The following CTNNBL1 variants were observed in gnomAD, a reference collection of about 807,000 sequenced individuals.
CTNNBL1 encodes the protein beta-catenin-like protein 1.
A neutral mutation model predicts 72.7 loss-of-function variants in CTNNBL1; 31 were observed. The observed-to-expected ratio is 0.43, with a 90% CI of 0.32 to 0.58. The LOEUF (loss-of-function observed/expected upper bound fraction) is 0.58. Among genes scored for constraint, CTNNBL1 ranks in the 20% least tolerant of loss-of-function variants. The pLI, the probability that CTNNBL1 is intolerant of heterozygous loss-of-function variation, is 0.08. For missense variants in CTNNBL1, 534 were observed against 725.1 expected, an observed-to-expected ratio of 0.74 and a Z score of 3.03; for synonymous variants, 240 against 267.3, an observed-to-expected ratio of 0.90 and a Z score of 1.00.
rs6091328 is a variant in CTNNBL1 at position 37,833,330 on chromosome 20, G to A, written c.1214-6772G>A. On this transcript the variant is annotated intron_variant, in intron 11 of 15. Transcript: ENST00000361383. ...CTTGAGAAGCCCTGAAGAGAGCTGA[G>A]CTGGGGGAAGGGTGGGCCAGAGCCT... 3.9e-3 allele frequency among the ~76,000 whole-genome samples: 590 copies of A among 152,306 alleles called. 2 individuals carry two copies. Among genetic ancestry groups the A allele is most frequent in the African/African-American group, 0.014 (569 of 41,558 alleles).
At chr20:37,813,185 T>G (rs1219503123) in intron 11 of CTNNBL1, among the ~76,000 whole-genome samples, 1 of 152,058 alleles carries the variant, frequency 6.6e-6, no homozygotes, top group South Asian at 2.1e-4. Context: ...TCCACAGGAG[T>G]GTCCTCTGAG....
rs139266574 is a variant in CTNNBL1 at position 37,823,402 on chromosome 20, G to A, written c.1214-16700G>A. Among the ~76,000 whole-genome samples the A allele has an allele frequency of 9.3e-4, 142 of 152,344 alleles. 1 individual carries two copies. Among genetic ancestry groups the A allele is most frequent in the African/African-American group, 3.3e-3 (139 of 41,584 alleles). On this transcript the variant is annotated intron_variant, in intron 11 of 15. Coordinates refer to ENST00000361383, the MANE Select transcript of CTNNBL1 (RefSeq NM_030877.5). ...TAAGGCCGCCTTGGGTCTGCAGCAA[G>A]TTTTTCTGGTTTCTGTGGAAATCAG...
intron 11 of CTNNBL1, among the ~76,000 whole-genome samples, chr20:37,818,546 A>G (rs1359710989): frequency 1.3e-5 from 2 of 152,218 alleles, no homozygotes; most frequent in Admixed American, 6.5e-5. Context: ...GAGCCAGACT[A>G]CTGTCTTTGT....
chr20:37,806,558 GA>G (rs1052384897), intron 11 of CTNNBL1, among the ~76,000 whole-genome samples: 5 of 152,170 alleles, frequency 3.3e-5, no homozygotes, highest in African/African-American at 1.2e-4. Context: ...GGTTTTGGGG[GA>G]AAGCTACACA....
chr20:37,860,461 AGTT>A (rs2072482469), intron 15 of CTNNBL1, 117 bp downstream of exon 15: 2 of 821,552 alleles, frequency 2.4e-6, no homozygotes, highest in African/African-American at 1.7e-5. Context: ...TGAAAGCTTA[AGTT>A]GTTGTCCATT....
chr20:37,736,589 G>A (rs1156335047), intron 2 of CTNNBL1, among the ~76,000 whole-genome samples: 3 of 151,984 alleles, frequency 2.0e-5, no homozygotes, highest in South Asian at 2.1e-4. Context: ...CACCCAGGCC[G>A]GAGTGCAGCG....
chr20:37,713,732 G>T (rs891091045), intron 1 of CTNNBL1, among the ~76,000 whole-genome samples: 1 of 152,280 alleles, frequency 6.6e-6, no homozygotes, highest in African/African-American at 2.4e-5. Flanking sequence ...TTAAGTGAAT[G>T]CAAAGCAGCT....
chr20:37,812,242 A>G (rs1037827537), intron 11 of CTNNBL1, among the ~76,000 whole-genome samples: 2 of 152,232 alleles, frequency 1.3e-5, no homozygotes, highest in East Asian at 3.8e-4. Flanking sequence ...TCTAGCAGGT[A>G]GCATTCAATA....
At chr20:37,851,093 C>T (rs1441004146) in intron 13 of CTNNBL1, among the ~76,000 whole-genome samples, 1 of 152,212 alleles carries the variant, frequency 6.6e-6, no homozygotes, top group African/African-American at 2.4e-5. Context: ...GGGAAACACA[C>T]ACACACAACC....
intron 2 of CTNNBL1, among the ~76,000 whole-genome samples, chr20:37,733,771 C>T (rs1348400112): frequency 1.3e-5 from 2 of 152,172 alleles, no homozygotes; most frequent in South Asian, 2.1e-4. Flanking sequence ...CTGCATAGCA[C>T]GTATCATGAT....
chr20:37,828,866 GCA>G (rs2072183820), intron 11 of CTNNBL1, among the ~76,000 whole-genome samples: 1 of 152,170 alleles, frequency 6.6e-6, no homozygotes. Flanking sequence ...CCCCTGCTAG[GCA>G]GATGTCCATT....
At chr20:37,793,467 C>T (rs560889360) in intron 10 of CTNNBL1, among the ~76,000 whole-genome samples, 3 of 152,300 alleles carry the variant, frequency 2.0e-5, no homozygotes, top group South Asian at 2.1e-4. Context: ...TTAGTGCTAA[C>T]GCATGGTATC....
At chr20:37,710,570 C>G (rs566839346) in intron 1 of CTNNBL1, among the ~76,000 whole-genome samples, 15 of 152,304 alleles carry the variant, frequency 9.8e-5, no homozygotes, top group Admixed American at 3.9e-4. Flanking sequence ...CTTTGCCCCC[C>G]CCACTGCCAT....
At chr20:37,742,867 G>A (rs534732353) in intron 3 of CTNNBL1, among the ~76,000 whole-genome samples, 1 of 152,082 alleles carries the variant, frequency 6.6e-6, no homozygotes, top group South Asian at 2.1e-4. Context: ...GCAGTGGCAC[G>A]ATCTTAGCTC....
At chr20:37,696,208 G>C (rs115388886) in intron 1 of CTNNBL1, among the ~76,000 whole-genome samples, 1 of 152,166 alleles carries the variant, frequency 6.6e-6, no homozygotes, top group Non-Finnish European at 1.5e-5. Context: ...GGAGCATCTG[G>C]TGGGAAGTTA....
chr20:37,825,268 G>A (rs181658723), intron 11 of CTNNBL1, among the ~76,000 whole-genome samples: 13 of 152,240 alleles, frequency 8.5e-5, no homozygotes, highest in African/African-American at 2.6e-4. Flanking sequence ...CAGGATAATC[G>A]CTTGAACCTG....
intron 11 of CTNNBL1, among the ~76,000 whole-genome samples, chr20:37,809,270 A>T (rs2071988591): frequency 6.6e-6 from 1 of 152,246 alleles, no homozygotes; most frequent in Non-Finnish European, 1.5e-5. Context: ...TAAAGGGAAC[A>T]CAAGAACAGA....
At chr20:37,735,205 C>T (rs78590338) in intron 2 of CTNNBL1, among the ~76,000 whole-genome samples, 1 of 152,070 alleles carries the variant, frequency 6.6e-6, no homozygotes, top group Non-Finnish European at 1.5e-5. Context: ...TCATTCATCC[C>T]CTTCCTTCCC....
chr20:37,755,662 C>T (rs2073357449), intron 4 of CTNNBL1, among the ~76,000 whole-genome samples: 1 of 152,228 alleles, frequency 6.6e-6, no homozygotes, highest in African/African-American at 2.4e-5. Flanking sequence ...ATACCCAGAA[C>T]ATCAGTCATC....
Sources: allele counts gnomAD v4.1 joint callset (sites outside exome capture counted in the v4.1 genomes callset), GRCh38; gene constraint gnomAD v4.1.1; transcripts MANE v1.5; gene names NCBI Gene and HGNC (gene_info 2026-07-23, HGNC 2026-07-21).